Variants in TMIE observed in about 807,000 individuals in gnomAD.
The protein encoded by TMIE is transmembrane inner ear expressed protein.
Under a neutral mutation model 16.8 loss-of-function variants are expected in TMIE, and 14 were observed. The ratio of observed to expected loss-of-function variants is 0.83; its 90% CI spans 0.55 to 1.30. The LOEUF (loss-of-function observed/expected upper bound fraction) is 1.30. Ranked by LOEUF, TMIE falls within the 50% of genes most tolerant of loss-of-function variation. TMIE has a pLI of 0.00. For missense variants in TMIE, 204 were observed against 205.9 expected (o/e 0.99, Z 0.06); for synonymous variants, 75 against 87.2 (o/e 0.86, Z 0.78).
intron 3 of TMIE, 46 bp downstream of exon 3, chr3:46,709,321 A>G: frequency 1.2e-6 from 2 of 1,613,266 alleles, no homozygotes; most frequent in East Asian, 4.5e-5. Flanking sequence ...CCAGTTCCTC[A>G]GTCCTGCTGC....
At chr3:46,695,995 C>T (rs1700408984) in intron 1 of TMIE, among the ~76,000 whole-genome samples, 1 of 152,164 alleles carries the variant, frequency 6.6e-6, no homozygotes, top group Admixed American at 6.5e-5. Flanking sequence ...CAAAGGACAG[C>T]CTCTGCTGAG....
At chr3:46,709,460 T>C in intron 3 of TMIE, 119 bp from the exon 4 acceptor site, 2 of 1,607,786 alleles carry the variant, frequency 1.2e-6, no homozygotes, top group African/African-American at 1.3e-5. Flanking sequence ...TATTCTCCAG[T>C]AGGAAGAAGG....
intron 2 of TMIE, among the ~76,000 whole-genome samples, chr3:46,708,460 G>A (rs1700578630): frequency 6.6e-6 from 1 of 152,252 alleles, no homozygotes; most frequent in Non-Finnish European, 1.5e-5. Context: ...GGTCCTGGCA[G>A]CCCTAACCTG....
upstream of TMIE, among the ~76,000 whole-genome samples, chr3:46,694,130 G>A (rs930690661): frequency 7.9e-5 from 12 of 152,194 alleles, no homozygotes; most frequent in African/African-American, 2.9e-4. Flanking sequence ...GCGGAGCGCT[G>A]TGTGGGTTCG....
chr3:46,702,195 G>A (rs925926008), intron 1 of TMIE, among the ~76,000 whole-genome samples: 1 of 152,074 alleles, frequency 6.6e-6, no homozygotes, highest in East Asian at 1.9e-4. Flanking sequence ...GCAGGACCTA[G>A]GGACTGGGAA....
At chr3:46,707,050 C>G (rs1462174257) in intron 2 of TMIE, among the ~76,000 whole-genome samples, 3 of 152,238 alleles carry the variant, frequency 2.0e-5, no homozygotes, top group African/African-American at 4.8e-5. Context: ...CCCCGCCCCC[C>G]ATCTGAGCAA....
intron 2 of TMIE, 142 bp from the exon 3 acceptor site, chr3:46,708,984 T>C (rs1015759553): frequency 9.1e-7 from 1 of 1,094,790 alleles, no homozygotes; most frequent in Non-Finnish European, 1.3e-6. Context: ...ACAGGGGTTT[T>C]GTCAAGATGC....
chr3:46,694,008 G>A (rs868448554), upstream of TMIE, among the ~76,000 whole-genome samples: 1 of 152,084 alleles, frequency 6.6e-6, no homozygotes, highest in Non-Finnish European at 1.5e-5. Context: ...TCCCCTGCAA[G>A]GCTCCGAGGC....
At chr3:46,700,329 C>T (rs1364501611), upstream of TMIE, among the ~76,000 whole-genome samples, 4 of 152,232 alleles carry the variant, frequency 2.6e-5, no homozygotes, top group Non-Finnish European at 5.9e-5. Flanking sequence ...CTGCTGCAGC[C>T]TGCTGTGGTC....
chr3:46,709,090 C>G (rs1700588474), intron 2 of TMIE, 36 bp from the exon 3 acceptor site: 1 of 1,613,314 alleles, frequency 6.2e-7, no homozygotes, highest in East Asian at 2.2e-5. Context: ...TCTCTGAACC[C>G]CAGCCCCAGC....
Position 46,701,676 on chromosome 3 carries a change from T to A in TMIE, c.93+96T>A, listed in dbSNP as rs1439689840. On this transcript the variant is annotated intron_variant, in intron 1 of 3. Coordinates refer to ENST00000643606, the MANE Select transcript of TMIE (RefSeq NM_147196.3). This position sits in a 1 kb window ranked among gnomAD's most constrained non-coding sequence, Gnocchi z 4.3. ...CCTTTTTGATCCGGAGCTTGTTTGA[T>A]CCCTTACTCTTGCCCTGAGAGATCC... 1 of 1,002,240 alleles carries A rather than the reference T, an allele frequency of 1.0e-6. No individual in the cohort carries two copies. The highest frequency in any genetic ancestry group is 1.3e-6 in the Non-Finnish European group (1 of 770,904). 62.1% of individuals were successfully genotyped at this position (1,002,240 alleles called of 1,614,324 possible).
At chr3:46,704,574 C>T (rs1252731346) in intron 1 of TMIE, among the ~76,000 whole-genome samples, 1 of 150,482 alleles carries the variant, frequency 6.6e-6, no homozygotes, top group Non-Finnish European at 1.5e-5. Context: ...CCCCTAGACG[C>T]CCAGGGCAGG....
At position 46,709,837 on chromosome 3, in the gene TMIE, TC is replaced by T; in HGVS notation, c.*150del. ...CCCATGGCCACATCCTCATGGCCCA[TC>T]AGGGGCAGGAACCAGACAATCTCGT... On this transcript the variant is annotated 3_prime_UTR_variant, in exon 4 of 4. Coordinates refer to ENST00000643606, the MANE Select transcript of TMIE (RefSeq NM_147196.3). 1 of 1,492,748 alleles carries T rather than the reference TC, an allele frequency of 6.7e-7. No homozygotes were observed. Among genetic ancestry groups the T allele is most frequent in the South Asian group, 1.2e-5 (1 of 81,944 alleles). The allele number at this position is 1,492,748 out of a possible 1,614,324, so 92.5% of individuals were successfully genotyped here. A position where few individuals can be genotyped will look rare whatever the true frequency, so the allele number is the denominator to read the frequency against.
Position 46,701,532 on chromosome 3 carries a change from C to T in TMIE, c.45C>T (p.Gly15=). The T allele has an allele frequency of 1.5e-6, 2 of 1,305,264 alleles. No homozygotes were observed. The allele number at this position is 1,305,264 out of a possible 1,614,324, so 80.9% of individuals were successfully genotyped here. Residue 15 remains glycine, a synonymous_variant, in exon 1 of 4, where the codon GGC becomes GGT. Transcript: ENST00000643606. This position sits in a 1 kb window ranked among gnomAD's most constrained non-coding sequence, Gnocchi z 4.3. ...CGGGTCCCCTCTGCGTGCTGGGCGG[C>T]GCCGCACTCGGGGTGTGCCTCGCGG... ...PGAGPLCVLG[G]AALGVCLAGV...
At position 46,701,413 on chromosome 3, in the gene TMIE, G is replaced by C. The variant is rs1421381712; in HGVS notation, c.-75G>C. ...TGGCCAAAGCCCGTGGCCACCGAGC[G>C]CCGGCTGGCAGGGGCAGTGACCGGC... On this transcript the variant is annotated 5_prime_UTR_variant, in exon 1 of 4. Transcript: ENST00000643606. The surrounding 1 kb of genome is among the most constrained non-coding windows in gnomAD (Gnocchi z 4.3). 2 of 1,267,882 alleles carry C rather than the reference G, an allele frequency of 1.6e-6. No individual in the cohort carries two copies. The highest frequency in any genetic ancestry group is 3.2e-5 in the East Asian group (1 of 31,372). 78.5% of individuals were successfully genotyped at this position (1,267,882 alleles called of 1,614,324 possible). A position where few individuals can be genotyped will look rare whatever the true frequency, so the allele number is the denominator to read the frequency against.
Position 46,709,970 on chromosome 3 carries a change from T to A in TMIE, c.*282T>A, listed in dbSNP as rs1476709644. 2.0e-6 allele frequency: 1 copy of A among 497,414 alleles called. No individual in the cohort carries two copies. The highest frequency in any genetic ancestry group is 3.9e-5 in the East Asian group (1 of 25,732). The allele number at this position is 497,414 out of a possible 1,614,324, so 30.8% of individuals were successfully genotyped here. Reference sequence around the variant, plus strand: ...CACCGTCCCTCTGCAGATACACTGCTCTCCCCACCCAGACCTGCCTGTCTC... The same window carrying A: ...CACCGTCCCTCTGCAGATACACTGCACTCCCCACCCAGACCTGCCTGTCTC... On this transcript the variant is annotated 3_prime_UTR_variant, in exon 4 of 4. Coordinates refer to ENST00000643606, the MANE Select transcript of TMIE (RefSeq NM_147196.3).
At chr3:46,707,004 G>T (rs1470239272) in intron 2 of TMIE, among the ~76,000 whole-genome samples, 1 of 152,212 alleles carries the variant, frequency 6.6e-6, no homozygotes, top group Non-Finnish European at 1.5e-5. Context: ...CACCAGAAGT[G>T]CTGTCCCAAG....
intron 1 of TMIE, among the ~76,000 whole-genome samples, chr3:46,704,974 G>A (rs897877205): frequency 6.6e-6 from 1 of 152,140 alleles, no homozygotes; most frequent in Non-Finnish European, 1.5e-5. Flanking sequence ...GAAGGGCTGT[G>A]TCCTCTCAGA....
At position 46,709,566 on chromosome 3, in the gene TMIE, C is replaced by A; in HGVS notation, c.362-13C>A. On this transcript the variant is annotated splice_polypyrimidine_tract_variant and intron_variant, in intron 3 of 3. Transcript: ENST00000643606. ...TCACCACTATCACATGGTCTCTTCC[C>A]CCTGCCCCACAGAGGATAAGAAGAA... The A allele has an allele frequency of 1.2e-6, 2 of 1,602,888 alleles. No individual in the cohort carries two copies. The highest frequency in any genetic ancestry group is 1.7e-6 in the Non-Finnish European group (2 of 1,177,644).
Sources: allele counts gnomAD v4.1 joint callset (sites outside exome capture counted in the v4.1 genomes callset), GRCh38; gene constraint gnomAD v4.1.1; non-coding constraint Gnocchi (gnomAD v3.1); transcripts MANE v1.5; gene names NCBI Gene and HGNC (gene_info 2026-07-23, HGNC 2026-07-21).